Variants in PTGFR observed in about 807,000 individuals in gnomAD.
PTGFR encodes prostaglandin F receptor.
A neutral mutation model predicts 26.2 loss-of-function variants in PTGFR; 15 were observed. The observed-to-expected ratio is 0.57, with a 90% CI of 0.38 to 0.88. The LOEUF is 0.88. Among genes scored for constraint, PTGFR ranks in the 40% least tolerant of loss-of-function variants. The pLI is 0.00. For missense variants in PTGFR, 369 were observed against 427.2 expected (o/e 0.86, Z 1.20); for synonymous variants, 165 against 151.1 (o/e 1.09, Z -0.68).
intron 2 of PTGFR, among the ~76,000 whole-genome samples, chr1:78,525,346 G>C (rs1650346313): frequency 6.6e-6 from 1 of 151,916 alleles, no homozygotes; most frequent in African/African-American, 2.4e-5. Flanking sequence ...TCTTGAATTT[G>C]ATGATTTACT....
chr1:78,531,646 A>G (rs1254935158), intron 2 of PTGFR, among the ~76,000 whole-genome samples: 1 of 152,070 alleles, frequency 6.6e-6, no homozygotes, highest in African/African-American at 2.4e-5. Flanking sequence ...TTATTTAATT[A>G]ATTAATTTAT....
Position 78,492,658 on chromosome 1 carries a change from C to G in PTGFR, c.-72-14C>G. On this transcript the variant is annotated splice_polypyrimidine_tract_variant and intron_variant, in intron 1 of 2. Coordinates refer to ENST00000370757, the MANE Select transcript of PTGFR (RefSeq NM_000959.4). ...TAATGCGGTGTTCATAATTCCTCTC[C>G]CTTTATCCTACAGATGTCTGGACTG... 7.7e-7 allele frequency: 1 copy of G among 1,304,738 alleles called. No individual in the cohort carries two copies. The highest frequency in any genetic ancestry group is 1.1e-6 in the Non-Finnish European group (1 of 947,688). 80.8% of individuals were successfully genotyped at this position (1,304,738 alleles called of 1,614,324 possible). A position where few individuals can be genotyped will look rare whatever the true frequency, so the allele number is the denominator to read the frequency against.
At chr1:78,528,797 A>G (rs931921352) in intron 2 of PTGFR, among the ~76,000 whole-genome samples, 2 of 152,158 alleles carry the variant, frequency 1.3e-5, no homozygotes, top group Admixed American at 6.6e-5. Flanking sequence ...TTTAATACAT[A>G]GTTAGATGTC....
At chr1:78,507,614 T>C (rs1051269188) in intron 2 of PTGFR, among the ~76,000 whole-genome samples, 1 of 152,168 alleles carries the variant, frequency 6.6e-6, no homozygotes, top group Admixed American at 6.6e-5. Context: ...TCAAGAAAAT[T>C]TGTAAAATGT....
intron 2 of PTGFR, among the ~76,000 whole-genome samples, chr1:78,513,689 G>T (rs937842378): frequency 6.6e-6 from 1 of 152,206 alleles, no homozygotes; most frequent in Non-Finnish European, 1.5e-5. Context: ...TGACTAAAAA[G>T]TAGCCATGTG....
chr1:78,493,921 C>G (rs955782918), intron 2 of PTGFR, among the ~76,000 whole-genome samples: 4 of 152,224 alleles, frequency 2.6e-5, no homozygotes, highest in Non-Finnish European at 5.9e-5. Flanking sequence ...GAACTTTTAA[C>G]TTGTAAACAG....
rs576766607 is a variant in PTGFR, at chr1:78,537,395, C to T, written c.*708C>T. ...CAATTTTCAAATAATTATTTTTTCT[C>T]TGAAAATTTTGTGTGTGATTGCACA... On this transcript the variant is annotated 3_prime_UTR_variant, in exon 3 of 3. Transcript: ENST00000370757. 2.0e-5 allele frequency: 3 copies of T among 152,122 alleles called. No individual in the cohort carries two copies. Among genetic ancestry groups the T allele is most frequent in the East Asian group, 3.9e-4 (2 of 5,170 alleles). 9.4% of individuals were successfully genotyped at this position (152,122 alleles called of 1,614,324 possible). A position where few individuals can be genotyped will look rare whatever the true frequency, so the allele number is the denominator to read the frequency against.
intron 2 of PTGFR, among the ~76,000 whole-genome samples, chr1:78,508,632 C>T (rs778077923): frequency 3.9e-5 from 6 of 152,166 alleles, no homozygotes; most frequent in East Asian, 1.9e-4. Context: ...CTCAACAGTC[C>T]GGCCTGACTT....
chr1:78,525,627 C>T (rs1478809890), intron 2 of PTGFR, among the ~76,000 whole-genome samples: 1 of 152,008 alleles, frequency 6.6e-6, no homozygotes, highest in Non-Finnish European at 1.5e-5. Flanking sequence ...TGTGATTGAA[C>T]TCAGTCTCTA....
chr1:78,514,707 A>G (rs1302592631), intron 2 of PTGFR, among the ~76,000 whole-genome samples: 1 of 152,118 alleles, frequency 6.6e-6, no homozygotes, highest in Non-Finnish European at 1.5e-5. Context: ...TCATGTTGAA[A>G]TGTGATTCCT....
intron 2 of PTGFR, among the ~76,000 whole-genome samples, chr1:78,531,298 G>C (rs1389087159): frequency 6.6e-6 from 1 of 152,158 alleles, no homozygotes; most frequent in Non-Finnish European, 1.5e-5. Flanking sequence ...CTCTAAGACA[G>C]AGACGTCTCT....
intron 2 of PTGFR, among the ~76,000 whole-genome samples, chr1:78,519,602 C>A (rs892389904): frequency 6.6e-6 from 1 of 152,000 alleles, no homozygotes; most frequent in Admixed American, 6.6e-5. Flanking sequence ...ACAGGGGATA[C>A]AAACATGACT....
intron 2 of PTGFR, chr1:78,532,193 TATG>T (rs1650524183): frequency 9.9e-6 from 4 of 405,330 alleles, no homozygotes; most frequent in Non-Finnish European, 1.9e-5. Flanking sequence ...GAGTCTATAA[TATG>T]ATGTTTGCTT....
chr1:78,504,656 A>G (rs1361075453), intron 2 of PTGFR, among the ~76,000 whole-genome samples: 1 of 151,974 alleles, frequency 6.6e-6, no homozygotes, highest in Admixed American at 6.6e-5. Flanking sequence ...ATCAGTATTT[A>G]CCTCTTTTTT....
At chr1:78,493,958 A>G (rs1190593077) in intron 2 of PTGFR, among the ~76,000 whole-genome samples, 1 of 152,268 alleles carries the variant, frequency 6.6e-6, no homozygotes, top group Non-Finnish European at 1.5e-5. Flanking sequence ...GGTTCTCCAA[A>G]GCATGTAATG....
intron 2 of PTGFR, among the ~76,000 whole-genome samples, chr1:78,494,352 G>GAAAACA (rs939442747): frequency 2.6e-5 from 4 of 151,840 alleles, no homozygotes; most frequent in African/African-American, 7.3e-5. Context: ...TGCCATGAAA[G>GAAAACA]AAAACAAAAA....
At chr1:78,530,882 G>GT (rs1650490853) in intron 2 of PTGFR, among the ~76,000 whole-genome samples, 1 of 151,926 alleles carries the variant, frequency 6.6e-6, no homozygotes, top group South Asian at 2.1e-4. Context: ...ACTTGGGCAA[G>GT]TTAATGTGTC....
At chr1:78,494,870 C>A (rs1249944402) in intron 2 of PTGFR, among the ~76,000 whole-genome samples, 1 of 152,188 alleles carries the variant, frequency 6.6e-6, no homozygotes, top group Admixed American at 6.5e-5. Flanking sequence ...TCCCAAAGTG[C>A]TGGGATTACA....
intron 2 of PTGFR, among the ~76,000 whole-genome samples, chr1:78,516,094 G>C (rs971490779): frequency 2.2e-4 from 34 of 152,016 alleles, no homozygotes; most frequent in African/African-American, 7.7e-4. Context: ...TTTTTCTGTA[G>C]TGTAAGAACC....
Sources: gnomAD v4.1 joint callset for allele counts (sites outside exome capture counted in the v4.1 genomes callset) on GRCh38, gnomAD v4.1.1 for gene constraint, MANE v1.5 for transcripts, NCBI Gene and HGNC (gene_info 2026-07-23, HGNC 2026-07-21) for gene names.